NFIB: variants seen among roughly 807,000 people sequenced by gnomAD.
NFIB encodes nuclear factor I B.
In NFIB, 11 loss-of-function variants were observed where a neutral mutation model predicts 61.5. That is an observed-to-expected ratio of 0.18 (90% CI 0.11 to 0.30). NFIB has a LOEUF of 0.30. Ranked by LOEUF, NFIB falls within the 10% of genes least tolerant of loss-of-function variation. The probability of loss-of-function intolerance (pLI) is 1.00; values close to 1 mark genes in which losing one functional copy is unlikely to be tolerated. For synonymous variants in NFIB, 260 were observed against 216.5 expected, an observed-to-expected ratio of 1.20 and a Z score of -1.76; for missense variants, 471 against 608.9, an observed-to-expected ratio of 0.77 and a Z score of 2.38.
chr9:14,303,371 T>C (rs954238244), intron 2 of NFIB, among the ~76,000 whole-genome samples: 4 of 152,232 alleles, frequency 2.6e-5, no homozygotes, highest in African/African-American at 9.6e-5. Flanking sequence ...AAGGCTTGCC[T>C]GGTTTTTGTT....
Position 14,231,892 on chromosome 9 carries a change from G to T in NFIB, c.563-52112C>A, listed in dbSNP as rs1055888482. Reference sequence around the variant, plus strand: ...AGAATGGGTTAACAAAAGCAAGGAGGAAAAAAATCTCATTTTTCCCCTTCT... The same window carrying T: ...AGAATGGGTTAACAAAAGCAAGGAGTAAAAAAATCTCATTTTTCCCCTTCT... On this transcript the variant is annotated intron_variant, in intron 2 of 10. Coordinates refer to ENST00000380953, the MANE Select transcript of NFIB (RefSeq NM_001190737.2). 3.9e-5 allele frequency among the ~76,000 whole-genome samples: 6 copies of T among 152,034 alleles called. No homozygotes were observed. In the South Asian group the frequency reaches 1.0e-3, roughly 26 times the overall value.
chr9:14,350,686 C>T (rs1015255178), intron 1 of NFIB, among the ~76,000 whole-genome samples: 2 of 152,144 alleles, frequency 1.3e-5, no homozygotes, highest in African/African-American at 4.8e-5. Context: ...AAAAAAATTC[C>T]TCTTTCTTTT....
chr9:14,465,834 A>G, the NFIB span, among the ~76,000 whole-genome samples: 1 of 152,156 alleles, frequency 6.6e-6, no homozygotes, highest in Non-Finnish European at 1.5e-5. Flanking sequence ...GTTAAGCAGC[A>G]TCCCTGCACC....
chr9:14,305,319 A>G (rs191131188), intron 2 of NFIB, among the ~76,000 whole-genome samples: 72 of 152,286 alleles, frequency 4.7e-4, no homozygotes, highest in African/African-American at 1.6e-3. Flanking sequence ...TCCCTGCACT[A>G]AAAAGTTACA....
chr9:14,462,540 C>A, the NFIB span, among the ~76,000 whole-genome samples: 1 of 152,174 alleles, frequency 6.6e-6, no homozygotes, highest in East Asian at 1.9e-4. Flanking sequence ...CCTCGGCCTC[C>A]CAAAGTGCTG....
At chr9:14,108,577 A>G (rs1408576205) in intron 10 of NFIB, among the ~76,000 whole-genome samples, 2 of 152,120 alleles carry the variant, frequency 1.3e-5, no homozygotes, top group African/African-American at 4.8e-5. Flanking sequence ...AAATAATAGC[A>G]TTATATAGTC....
At position 14,313,378 on chromosome 9, in the gene NFIB, G is replaced by C. The variant is rs1015143306; in HGVS notation, c.30+104C>G. On this transcript the variant is annotated intron_variant, in intron 1 of 10. Coordinates refer to ENST00000380953, the MANE Select transcript of NFIB (RefSeq NM_001190737.2). The surrounding 1 kb of genome is among the most constrained non-coding windows in gnomAD (Gnocchi z 4.5). ...CTCCGGGCCACTTCTCCAAGGGACGGGGATGTGCGGAGGTTAACTCAAGCC... is the reference window on the plus strand; with the variant it reads ...CTCCGGGCCACTTCTCCAAGGGACGCGGATGTGCGGAGGTTAACTCAAGCC... 1.8e-4 allele frequency: 268 copies of C among 1,530,670 alleles called. No homozygotes were observed. The highest frequency in any genetic ancestry group is 2.4e-4 in the Non-Finnish European group (262 of 1,113,458). The allele number at this position is 1,530,670 out of a possible 1,614,324, so 94.8% of individuals were successfully genotyped here.
At chr9:14,509,644 G>A in the NFIB span, among the ~76,000 whole-genome samples, 233 of 152,196 alleles carry the variant, frequency 1.5e-3, 4 homozygotes, top group Non-Finnish European at 4.7e-4. Context: ...ATTTCCTTGG[G>A]TCCAATCTGG....
At chr9:14,245,710 C>T (rs1490205378) in intron 2 of NFIB, among the ~76,000 whole-genome samples, 1 of 151,792 alleles carries the variant, frequency 6.6e-6, no homozygotes, top group African/African-American at 2.4e-5. Context: ...CCATTTCTAC[C>T]AAAAATAGAA....
At chr9:14,393,854 CGG>C (rs1399303873) in intron 1 of NFIB, among the ~76,000 whole-genome samples, 2 of 152,126 alleles carry the variant, frequency 1.3e-5, no homozygotes, top group Non-Finnish European at 2.9e-5. Context: ...GTTTGTTTAT[CGG>C]AGTCAGTCAT....
At chr9:14,145,567 A>G (rs1475855233) in intron 6 of NFIB, among the ~76,000 whole-genome samples, 2 of 152,118 alleles carry the variant, frequency 1.3e-5, no homozygotes, top group Non-Finnish European at 2.9e-5. Context: ...GTGTCTCCTA[A>G]GAGTACTCAA....
chr9:14,339,615 C>G (rs1158034133), intron 1 of NFIB, among the ~76,000 whole-genome samples: 1 of 152,172 alleles, frequency 6.6e-6, no homozygotes, highest in African/African-American at 2.4e-5. Context: ...TTTATTCCCT[C>G]TCCCACACTA....
intron 1 of NFIB, among the ~76,000 whole-genome samples, chr9:14,348,764 G>A (rs2061066763): frequency 6.6e-6 from 1 of 152,218 alleles, no homozygotes; most frequent in African/African-American, 2.4e-5. Context: ...CTGCTCCCGC[G>A]CCTCTGCTCG....
chr9:14,304,900 C>T (rs888138995), intron 2 of NFIB, among the ~76,000 whole-genome samples: 2 of 152,102 alleles, frequency 1.3e-5, no homozygotes, highest in African/African-American at 4.8e-5. Context: ...ACAAAAGCAT[C>T]CTGACGTGAG....
rs925376777 is a variant in NFIB, at chr9:14,172,774, CT to C, written c.616+6952del. On this transcript the variant is annotated intron_variant, in intron 3 of 10. Transcript: ENST00000380953. ...AGAAGAGCAGTATAAAAATTCAACACTTTTTTTTTTTTTGAGACGGAGTCTC... is the reference window on the plus strand; with the variant it reads ...AGAAGAGCAGTATAAAAATTCAACACTTTTTTTTTTTTGAGACGGAGTCTC... Among the ~76,000 whole-genome samples the C allele has an allele frequency of 1.1e-3, 157 of 145,776 alleles. 1 individual carries two copies. The highest frequency in any genetic ancestry group is 6.3e-3 in the South Asian group (29 of 4,616).
intron 6 of NFIB, among the ~76,000 whole-genome samples, chr9:14,133,561 A>T (rs966818928): frequency 3.3e-5 from 5 of 152,212 alleles, no homozygotes; most frequent in Non-Finnish European, 7.3e-5. Flanking sequence ...TCCTGAGACA[A>T]GGAAACAGTT....
the NFIB span, among the ~76,000 whole-genome samples, chr9:14,506,699 C>T: frequency 6.6e-6 from 1 of 152,000 alleles, no homozygotes; most frequent in Non-Finnish European, 1.5e-5. Flanking sequence ...CTTACTGTAC[C>T]CCTAAAACTC....
chr9:14,334,597 T>C (rs994569555), intron 1 of NFIB, among the ~76,000 whole-genome samples: 1 of 152,216 alleles, frequency 6.6e-6, no homozygotes, highest in African/African-American at 2.4e-5. Context: ...TGCCAGTTTA[T>C]ATCTGTTGCA....
intron 8 of NFIB, among the ~76,000 whole-genome samples, chr9:14,118,090 G>C (rs1016889551): frequency 1.3e-5 from 2 of 151,592 alleles, no homozygotes; most frequent in Non-Finnish European, 2.9e-5. Context: ...CAGATACACT[G>C]TTCCTTAAAA....
Sources: allele counts gnomAD v4.1 joint callset (sites outside exome capture counted in the v4.1 genomes callset), GRCh38; gene constraint gnomAD v4.1.1; non-coding constraint Gnocchi (gnomAD v3.1); transcripts MANE v1.5; gene names NCBI Gene and HGNC (gene_info 2026-07-23, HGNC 2026-07-21).